The following TCAIM variants were observed in gnomAD, a reference collection of about 807,000 sequenced individuals.
TCAIM encodes T-cell activation inhibitor, mitochondrial.
TCAIM carries 36 observed loss-of-function variants against 58.6 expected under a neutral mutation model. That is an observed-to-expected ratio of 0.61 (90% CI 0.47 to 0.81). The LOEUF (loss-of-function observed/expected upper bound fraction) is 0.81, where lower values mean the gene tolerates loss of function less well. Among genes scored for constraint, TCAIM ranks in the 30% least tolerant of loss-of-function variants. The probability of loss-of-function intolerance (pLI) is 0.00; values close to 1 mark genes in which losing one functional copy is unlikely to be tolerated. For missense variants in TCAIM, 466 were observed against 579.6 expected (o/e 0.80, Z 2.01); for synonymous variants, 172 against 193.6 (o/e 0.89, Z 0.93).
At chr3:44,345,181 A>T (rs1700941130) in intron 1 of TCAIM, among the ~76,000 whole-genome samples, 2 of 152,154 alleles carry the variant, frequency 1.3e-5, no homozygotes, top group South Asian at 4.1e-4. Context: ...AGTGGGAGAG[A>T]TTAAGCTGAA....
At chr3:44,396,236 T>A (rs1229895770) in intron 6 of TCAIM, among the ~76,000 whole-genome samples, 164 bp from the exon 7 acceptor site, 1 of 152,264 alleles carries the variant, frequency 6.6e-6, no homozygotes, top group East Asian at 1.9e-4. Context: ...GTTGCTTTTT[T>A]AAAAATTAGC....
chr3:44,342,227 A>T (rs1266491694), intron 1 of TCAIM, among the ~76,000 whole-genome samples: 2 of 152,208 alleles, frequency 1.3e-5, no homozygotes, highest in Non-Finnish European at 2.9e-5. Flanking sequence ...CTCTCAGTTA[A>T]TGAAAACTTA....
chr3:44,339,816 TCTGCTTGTGTCTGTTTTTACA>T (rs1156403961), intron 1 of TCAIM: 1 of 152,226 alleles, frequency 6.6e-6, no homozygotes, highest in South Asian at 2.1e-4. Flanking sequence ...TTTATACTTA[TCTGCTTGTGTCTGTTTTTACA>T]CTCCCCCCTC....
chr3:44,391,399 T>G (rs1263127627), intron 5 of TCAIM: 1 of 151,958 alleles, frequency 6.6e-6, no homozygotes, highest in Non-Finnish European at 1.5e-5. Context: ...ACCACATTGG[T>G]CAGGCTGGTC....
Position 44,343,317 on chromosome 3 carries a change from A to G in TCAIM, c.-45+4483A>G, listed in dbSNP as rs144111978. 7.2e-4 allele frequency among the ~76,000 whole-genome samples: 109 copies of G among 152,270 alleles called. 1 individual carries two copies. In the East Asian group the frequency reaches 0.013, roughly 19 times the overall value. ...GCCCCCTAGCCTCCATTTCCTAACCATTATGCAAACTACCTACTTTGACAG... is the reference window on the plus strand; with the variant it reads ...GCCCCCTAGCCTCCATTTCCTAACCGTTATGCAAACTACCTACTTTGACAG... On this transcript the variant is annotated intron_variant, in intron 1 of 10. Coordinates refer to ENST00000342649, the MANE Select transcript of TCAIM (RefSeq NM_173826.4).
At chr3:44,386,565 CA>C (rs1246870605) in intron 5 of TCAIM, among the ~76,000 whole-genome samples, 1 of 152,234 alleles carries the variant, frequency 6.6e-6, no homozygotes, top group African/African-American at 2.4e-5. Flanking sequence ...TGGGAACCCC[CA>C]CCCCTGTCAG....
At chr3:44,363,951 A>G (rs9881638) in intron 4 of TCAIM, among the ~76,000 whole-genome samples, 60,770 of 107,086 alleles carry the variant, frequency 0.57, 16,649 homozygotes, top group East Asian at 0.85. Flanking sequence ...TTTTTTTCAT[A>G]CGGAGTCTCA....
chr3:44,378,674 G>C (rs1334605543), intron 5 of TCAIM, among the ~76,000 whole-genome samples: 1 of 151,964 alleles, frequency 6.6e-6, no homozygotes, highest in Non-Finnish European at 1.5e-5. Context: ...AGCCAGGCAT[G>C]GTGGCAGGTG....
intron 5 of TCAIM, among the ~76,000 whole-genome samples, chr3:44,369,721 C>G (rs1701434772): frequency 6.6e-6 from 1 of 152,042 alleles, no homozygotes; most frequent in Non-Finnish European, 1.5e-5. Flanking sequence ...ATATTACATT[C>G]GACTATATGA....
intron 3 of TCAIM, 91 bp from the exon 4 acceptor site, chr3:44,361,274 C>A: frequency 2.7e-6 from 3 of 1,107,150 alleles, no homozygotes; most frequent in Non-Finnish European, 3.7e-6. Flanking sequence ...TTATTTAATA[C>A]TCTCAATGTG....
intron 4 of TCAIM, among the ~76,000 whole-genome samples, chr3:44,362,208 C>G (rs1006987844): frequency 1.3e-5 from 2 of 152,132 alleles, no homozygotes; most frequent in Admixed American, 6.6e-5. Flanking sequence ...ACAGGATACA[C>G]TGTAATTTTT....
intron 9 of TCAIM, 97 bp from the exon 10 acceptor site, chr3:44,401,106 A>AT (rs566812153): frequency 3.1e-4 from 456 of 1,492,776 alleles, no homozygotes; most frequent in South Asian, 1.2e-3. Flanking sequence ...TTTCTTGATG[A>AT]TTTTTTTTTA....
At chr3:44,362,208 CTG>C (rs1020008574) in intron 4 of TCAIM, among the ~76,000 whole-genome samples, 2 of 152,132 alleles carry the variant, frequency 1.3e-5, no homozygotes, top group African/African-American at 4.8e-5. Flanking sequence ...ACAGGATACA[CTG>C]TAATTTTTTT....
At chr3:44,350,614 CAG>C (rs746046076) in intron 1 of TCAIM, among the ~76,000 whole-genome samples, 25 of 152,014 alleles carry the variant, frequency 1.6e-4, no homozygotes, top group Non-Finnish European at 1.9e-4. Context: ...TTTTTAGAGA[CAG>C]AGTCTCACTA....
rs899264051 is a variant in TCAIM, at chr3:44,408,840, G to A, written c.*1158G>A. 5.3e-5 allele frequency: 8 copies of A among 152,164 alleles called. No homozygotes were observed. The highest frequency in any genetic ancestry group is 1.3e-4 in the Admixed American group (2 of 15,276). The allele number at this position is 152,164 out of a possible 1,614,324, so 9.4% of individuals were successfully genotyped here. A position where few individuals can be genotyped will look rare whatever the true frequency, so the allele number is the denominator to read the frequency against. On this transcript the variant is annotated 3_prime_UTR_variant, in exon 11 of 11. Transcript: ENST00000342649. ...TCATAGCAATAGAATTCAACCCCAA[G>A]TGGTTGATGGTGTCCCCAGCACAGC...
intron 4 of TCAIM, chr3:44,362,836 T>C (rs540657647): frequency 1.3e-5 from 2 of 157,538 alleles, no homozygotes; most frequent in South Asian, 4.1e-4. Flanking sequence ...AGATTGTTAC[T>C]AGTGTAAAAC....
intron 4 of TCAIM, chr3:44,362,459 G>A (rs1701308409): frequency 5.0e-6 from 2 of 400,902 alleles, no homozygotes; most frequent in African/African-American, 4.1e-5. Context: ...TCTGAAGAAT[G>A]CTGAAGTATG....
rs769867784 is a variant in TCAIM, at chr3:44,396,433, T to C, written c.729T>C (p.Cys243=). The C allele has an allele frequency of 6.2e-7, 1 of 1,613,896 alleles. No individual in the cohort carries two copies. The highest frequency in any genetic ancestry group is 1.7e-5 in the Admixed American group (1 of 60,000). Residue 243 remains cysteine, a synonymous_variant, in exon 7 of 11, where the codon TGT becomes TGC. Transcript: ENST00000342649. The part of the protein sequence containing the change: ...WQRSWGIAHR[C]SQLHSLSRLA... ...GGAGCTGGGGCATCGCCCACCGCTG[T>C]AGCCAGCTGCATAGTTTAAGCCGCT... is the stretch of plus-strand genomic sequence containing the variant.
At position 44,367,640 on chromosome 3, in the gene TCAIM, C is replaced by T. The variant is rs1701401506; in HGVS notation, c.504C>T (p.Tyr168=). The T allele has an allele frequency of 6.2e-7, 1 of 1,614,160 alleles. No homozygotes were observed. Among genetic ancestry groups the T allele is most frequent in the Non-Finnish European group, 8.5e-7 (1 of 1,180,010 alleles). Residue 168 remains tyrosine (Y), a synonymous_variant, in exon 5 of 11, where the codon TAC becomes TAT. Transcript: ENST00000342649. ...CCATCAAATGGGACAAGTCTTATTA[C>T]TCCTTTACTGGATTCAAGGACCCTG... is the stretch of plus-strand genomic sequence containing the variant. The part of the protein sequence containing the change: ...DRPIKWDKSY[Y]SFTGFKDPDE...
Sources: allele counts gnomAD v4.1 joint callset (sites outside exome capture counted in the v4.1 genomes callset), GRCh38; gene constraint gnomAD v4.1.1; transcripts MANE v1.5; gene names NCBI Gene and HGNC (gene_info 2026-07-23, HGNC 2026-07-21).